The following EPHX4 variants were observed in gnomAD, a reference collection of about 807,000 sequenced individuals.
EPHX4 encodes epoxide hydrolase 4, also known as abhydrolase domain containing 7.
Under a neutral mutation model 44.9 loss-of-function variants are expected in EPHX4, and 31 were observed. That is an observed-to-expected ratio of 0.69 (90% CI 0.52 to 0.93). EPHX4 has a LOEUF of 0.93. Among genes scored for constraint, EPHX4 ranks in the 40% least tolerant of loss-of-function variants. The pLI is 0.00. For synonymous variants in EPHX4, 151 were observed against 159.7 expected, an observed-to-expected ratio of 0.95 and a Z score of 0.41; for missense variants, 373 against 438.1, an observed-to-expected ratio of 0.85 and a Z score of 1.33.
chr1:92,052,645 C>G lies in EPHX4; in HGVS notation c.844C>G (p.Arg282Gly). ...ATTAAGTGGCCCAATTAACCATTAC[C>G]GAAATATCTTCAGGTAAGTATAATT... ...GALSGPINHY[R>G]NIFSCLPLKH... The change falls in exon 6 of 7, where the codon CGA (arginine) becomes GGA (glycine). Residue 282 changes from arginine to glycine, a missense_variant. Arg to Gly is a moderately radical substitution (Grantham distance 125). Coordinates refer to ENST00000370383, the MANE Select transcript of EPHX4 (RefSeq NM_173567.5). The G allele has an allele frequency of 6.2e-7, 1 of 1,605,682 alleles. No homozygotes were observed. Among genetic ancestry groups the G allele is most frequent in the Non-Finnish European group, 8.5e-7 (1 of 1,177,674 alleles).
intron 2 of EPHX4, among the ~76,000 whole-genome samples, chr1:92,040,339 CA>C (rs1219710424): frequency 1.1e-5 from 1 of 87,648 alleles, no homozygotes; most frequent in Non-Finnish European, 2.2e-5. Flanking sequence ...CCATACTTAG[CA>C]AATTTTTTTT....
At chr1:92,041,158 GC>G (rs1309148607) in intron 2 of EPHX4, among the ~76,000 whole-genome samples, 1 of 152,066 alleles carries the variant, frequency 6.6e-6, no homozygotes, top group East Asian at 1.9e-4. Context: ...GAGGGGGAAT[GC>G]CTGGCTCAGC....
chr1:92,055,986 G>A (rs1326574157), intron 6 of EPHX4, among the ~76,000 whole-genome samples: 1 of 150,964 alleles, frequency 6.6e-6, no homozygotes, highest in East Asian at 1.9e-4. Flanking sequence ...CTGTTAATTA[G>A]CAGAGAGAGA....
intron 6 of EPHX4, among the ~76,000 whole-genome samples, chr1:92,062,804 C>T (rs1040198968): frequency 1.4e-4 from 21 of 151,862 alleles, no homozygotes; most frequent in African/African-American, 5.1e-4. Flanking sequence ...CCTAAGGAGC[C>T]TTTTTAGACT....
At chr1:92,043,629 C>A (rs1688543464) in intron 3 of EPHX4, 2 of 152,200 alleles carry the variant, frequency 1.3e-5, no homozygotes, top group Non-Finnish European at 2.9e-5. Flanking sequence ...TCAGTTAGAA[C>A]CACATAATAT....
At chr1:92,049,068 A>C (rs774135004) in intron 4 of EPHX4, among the ~76,000 whole-genome samples, 3 of 151,908 alleles carry the variant, frequency 2.0e-5, no homozygotes, top group Non-Finnish European at 4.4e-5. Context: ...TCACCAGTTT[A>C]AAACTTTAGT....
chr1:92,055,511 G>C (rs12094722), intron 6 of EPHX4, among the ~76,000 whole-genome samples: 1 of 152,230 alleles, frequency 6.6e-6, no homozygotes, highest in South Asian at 2.1e-4. Flanking sequence ...GCAAAACAGA[G>C]ATGTTAATTT....
At chr1:92,046,173 C>T (rs1688578621) in intron 4 of EPHX4, among the ~76,000 whole-genome samples, 2 of 152,052 alleles carry the variant, frequency 1.3e-5, no homozygotes, top group Non-Finnish European at 2.9e-5. Flanking sequence ...TATGTTAATT[C>T]ATCAAAAGAA....
At chr1:92,046,404 A>G (rs2101871130) in intron 4 of EPHX4, among the ~76,000 whole-genome samples, 1 of 152,300 alleles carries the variant, frequency 6.6e-6, no homozygotes, top group African/African-American at 2.4e-5. Context: ...CTTTTCAGAT[A>G]ACTGTGGATT....
intron 6 of EPHX4, among the ~76,000 whole-genome samples, chr1:92,054,656 A>G (rs560385575): frequency 3.4e-4 from 52 of 152,076 alleles, no homozygotes; most frequent in Non-Finnish European, 6.8e-4. Context: ...CCAAACTCCT[A>G]CAACTTTCAA....
chr1:92,050,368 T>C lies in EPHX4; in HGVS notation c.656T>C (p.Phe219Ser). Residue 219 changes from phenylalanine (F) to serine (S), a missense_variant, in exon 5 of 7, where the codon TTC (phenylalanine) becomes TCC (serine). By Grantham distance (155) the Phe-to-Ser change is radical (BLOSUM62 -2). Transcript: ENST00000370383. The part of the protein sequence containing the change: ...AQLLKSSYYY[F>S]FQIPWFPEFM... Reference sequence around the variant, plus strand: ...CTGTTGAAATCCAGTTATTATTACTTCTTCCAAATACCATGGTTCCCAGAA... The same window carrying C: ...CTGTTGAAATCCAGTTATTATTACTCCTTCCAAATACCATGGTTCCCAGAA... The C allele has an allele frequency of 1.2e-6, 2 of 1,606,160 alleles. No individual in the cohort carries two copies. The highest frequency in any genetic ancestry group is 1.7e-6 in the Non-Finnish European group (2 of 1,176,730).
chr1:92,057,613 T>A (rs2101875719), intron 6 of EPHX4, among the ~76,000 whole-genome samples: 1 of 152,164 alleles, frequency 6.6e-6, no homozygotes, highest in East Asian at 1.9e-4. Context: ...TTGTTTTTTT[T>A]TTTTGAGACG....
chr1:92,059,938 C>A (rs886565579), intron 6 of EPHX4, among the ~76,000 whole-genome samples: 1 of 151,446 alleles, frequency 6.6e-6, no homozygotes, highest in African/African-American at 2.4e-5. Flanking sequence ...CACTTCACTC[C>A]AGCCTCGAAC....
At chr1:92,062,811 G>T (rs897656111) in intron 6 of EPHX4, among the ~76,000 whole-genome samples, 1 of 151,706 alleles carries the variant, frequency 6.6e-6, no homozygotes, top group Non-Finnish European at 1.5e-5. Flanking sequence ...AGCCTTTTTA[G>T]ACTTTTTTTT....
chr1:92,035,876 G>A (rs72954761), intron 2 of EPHX4, among the ~76,000 whole-genome samples: 10,224 of 152,170 alleles, frequency 0.067, 364 homozygotes, highest in Non-Finnish European at 0.084. Context: ...CCCTTCTGAA[G>A]TTGGCAGTGC....
At chr1:92,060,684 C>G (rs1557887402) in intron 6 of EPHX4, among the ~76,000 whole-genome samples, 1 of 151,822 alleles carries the variant, frequency 6.6e-6, no homozygotes, top group Non-Finnish European at 1.5e-5. Context: ...TTTGGGAGGC[C>G]AAAGTGGGTG....
At chr1:92,040,283 G>A (rs529436800) in intron 2 of EPHX4, among the ~76,000 whole-genome samples, 5 of 145,492 alleles carry the variant, frequency 3.4e-5, no homozygotes, top group Admixed American at 2.9e-4. Context: ...TTAAGCCATC[G>A]TCCCACCTCA....
chr1:92,055,219 A>G (rs972349607), intron 6 of EPHX4, among the ~76,000 whole-genome samples: 3 of 152,216 alleles, frequency 2.0e-5, no homozygotes, highest in Non-Finnish European at 4.4e-5. Context: ...CAGCATTTAT[A>G]TATTAATATT....
chr1:92,052,402 TAGG>T, intron 5 of EPHX4, 105 bp from the exon 6 acceptor site: 1 of 1,016,778 alleles, frequency 9.8e-7, no homozygotes, highest in Non-Finnish European at 1.4e-6. Context: ...GAGCAGAAAT[TAGG>T]AGTTGTCACC....
Sources: allele counts gnomAD v4.1 joint callset (sites outside exome capture counted in the v4.1 genomes callset), GRCh38; gene constraint gnomAD v4.1.1; transcripts MANE v1.5; gene names NCBI Gene and HGNC (gene_info 2026-07-23, HGNC 2026-07-21).